The following VPS13A variants were observed in gnomAD, a reference collection of about 807,000 sequenced individuals.
VPS13A encodes intermembrane lipid transfer protein VPS13A.
In VPS13A, 264 loss-of-function variants were observed where a neutral mutation model predicts 390.9. The observed-to-expected ratio is 0.68, with a 90% CI of 0.61 to 0.75. The LOEUF (loss-of-function observed/expected upper bound fraction) is 0.75. Among genes scored for constraint, VPS13A ranks in the 30% least tolerant of loss-of-function variants. The pLI is 0.00. For missense variants in VPS13A, 3,409 were observed against 3,733.9 expected (o/e 0.91, Z 2.27); for synonymous variants, 1,231 against 1,227.1 (o/e 1.00, Z -0.07).
At chr9:77,353,073 C>T (rs970614965) in intron 53 of VPS13A, among the ~76,000 whole-genome samples, 6 of 152,012 alleles carry the variant, frequency 3.9e-5, no homozygotes, top group Non-Finnish European at 8.8e-5. Flanking sequence ...ATACATATCA[C>T]ATTGCTGTAG....
chr9:77,324,516 T>G (rs974366041), intron 45 of VPS13A, among the ~76,000 whole-genome samples: 1 of 152,236 alleles, frequency 6.6e-6, no homozygotes, highest in African/African-American at 2.4e-5. Context: ...TTTTTTAATT[T>G]GTTAGTATGA....
intron 46 of VPS13A, 29 bp downstream of exon 46, chr9:77,332,142 C>A: frequency 6.5e-7 from 1 of 1,535,880 alleles, no homozygotes; most frequent in South Asian, 1.1e-5. Context: ...TTTATTTACT[C>A]TAAAATCTCT....
chr9:77,340,706 A>T lies in VPS13A; in HGVS notation c.7026+156A>T, dbSNP rs150032039. 7.8e-4 allele frequency: 664 copies of T among 854,590 alleles called. 6 individuals are homozygous for T. In the Middle Eastern group the frequency reaches 0.022, roughly 28 times the overall value. 52.9% of individuals were successfully genotyped at this position (854,590 alleles called of 1,614,324 possible). The stretch of plus-strand genomic sequence containing the variant: ...ATTGAATATTTGTGCCCTGCTCTAG[A>T]TAGATGGGAAGGTTCAATTTTTAAT... On this transcript the variant is annotated intron_variant, in intron 50 of 71. Transcript: ENST00000360280.
At chr9:77,328,030 T>G (rs1001955122) in intron 45 of VPS13A, among the ~76,000 whole-genome samples, 1 of 152,198 alleles carries the variant, frequency 6.6e-6, no homozygotes, top group African/African-American at 2.4e-5. Context: ...AAAAATGTAT[T>G]TCTTAAATAA....
At chr9:77,282,315 T>A (rs748740855) in intron 29 of VPS13A, 41 bp downstream of exon 29, 11 of 1,481,634 alleles carry the variant, frequency 7.4e-6, no homozygotes, top group African/African-American at 5.7e-5. Context: ...TTTTTTTTTT[T>A]AACCATGTAG....
At chr9:77,335,326 G>A (rs1247685513) in intron 46 of VPS13A, among the ~76,000 whole-genome samples, 3 of 152,038 alleles carry the variant, frequency 2.0e-5, no homozygotes, top group Admixed American at 1.3e-4. Flanking sequence ...CTACTCTTCT[G>A]CAATGGCAAA....
chr9:77,197,552 A>G (rs1369815502), intron 1 of VPS13A, among the ~76,000 whole-genome samples: 3 of 152,142 alleles, frequency 2.0e-5, no homozygotes, highest in Admixed American at 6.6e-5. Context: ...CTTAAAGTTT[A>G]TATGTCTAAT....
At chr9:77,255,337 T>G (rs1016001184) in intron 22 of VPS13A, among the ~76,000 whole-genome samples, 1 of 152,138 alleles carries the variant, frequency 6.6e-6, no homozygotes, top group African/African-American at 2.4e-5. Flanking sequence ...TATTAAATCA[T>G]ATTTCTTGAG....
At chr9:77,343,664 T>C (rs1830969049) in intron 50 of VPS13A, among the ~76,000 whole-genome samples, 1 of 152,242 alleles carries the variant, frequency 6.6e-6, no homozygotes. Context: ...CTCTGAACTT[T>C]GAATACTACT....
intron 5 of VPS13A, among the ~76,000 whole-genome samples, chr9:77,207,311 CAT>C (rs779764551): frequency 4.0e-4 from 54 of 134,362 alleles, no homozygotes; most frequent in South Asian, 9.6e-4. Context: ...TATTTTATAA[CAT>C]ATAATTAATG....
chr9:77,281,755 A>G (rs1187738955), intron 27 of VPS13A, 112 bp from the exon 28 acceptor site: 18 of 598,824 alleles, frequency 3.0e-5, no homozygotes, highest in African/African-American at 3.7e-5. Flanking sequence ...ATATATATAT[A>G]TATGTATATG....
At chr9:77,412,487 C>T (rs1342288506) in intron 71 of VPS13A, among the ~76,000 whole-genome samples, 1 of 152,164 alleles carries the variant, frequency 6.6e-6, no homozygotes, top group Non-Finnish European at 1.5e-5. Flanking sequence ...GAACCAATGA[C>T]AAAAACCATA....
intron 17 of VPS13A, among the ~76,000 whole-genome samples, chr9:77,228,597 A>G (rs1823652248): frequency 6.6e-6 from 1 of 152,110 alleles, no homozygotes; most frequent in Admixed American, 6.6e-5. Context: ...CACATACCCT[A>G]CAATTCATTT....
intron 35 of VPS13A, among the ~76,000 whole-genome samples, chr9:77,313,455 C>G (rs906362960): frequency 6.6e-6 from 1 of 152,136 alleles, no homozygotes; most frequent in Non-Finnish European, 1.5e-5. Flanking sequence ...TGGTACTTTT[C>G]TCTGAAGTTA....
At chr9:77,262,441 T>A (rs1260808649) in intron 23 of VPS13A, among the ~76,000 whole-genome samples, 2 of 152,142 alleles carry the variant, frequency 1.3e-5, no homozygotes, top group African/African-American at 4.8e-5. Flanking sequence ...AAGGTTTTTT[T>A]TTATTATTAT....
intron 22 of VPS13A, among the ~76,000 whole-genome samples, chr9:77,254,515 G>A (rs1422595366): frequency 6.6e-6 from 1 of 152,072 alleles, no homozygotes; most frequent in Non-Finnish European, 1.5e-5. Context: ...GGCTATTCGG[G>A]ATCCTTTGGT....
At chr9:77,375,654 A>G (rs1833027607) in intron 67 of VPS13A, among the ~76,000 whole-genome samples, 1 of 152,250 alleles carries the variant, frequency 6.6e-6, no homozygotes, top group Admixed American at 6.5e-5. Flanking sequence ...AACTTTTCAA[A>G]TGTACAACAA....
intron 37 of VPS13A, among the ~76,000 whole-genome samples, chr9:77,314,917 C>T (rs1829300080): frequency 6.6e-6 from 1 of 152,228 alleles, no homozygotes; most frequent in East Asian, 1.9e-4. Context: ...TTTTTACATT[C>T]TTTAAATTAC....
chr9:77,376,255 A>C (rs776651106), intron 67 of VPS13A, among the ~76,000 whole-genome samples: 12 of 152,166 alleles, frequency 7.9e-5, no homozygotes, highest in Non-Finnish European at 1.6e-4. Flanking sequence ...GTTACCAGGG[A>C]ACATGCGGGG....
Sources: allele counts gnomAD v4.1 joint callset (sites outside exome capture counted in the v4.1 genomes callset), GRCh38; gene constraint gnomAD v4.1.1; transcripts MANE v1.5; gene names NCBI Gene and HGNC (gene_info 2026-07-23, HGNC 2026-07-21).